Variants in LYPLAL1 observed in about 807,000 individuals in gnomAD.
The protein encoded by LYPLAL1 is lysophospholipase-like protein 1.
Under a neutral mutation model 19.7 loss-of-function variants are expected in LYPLAL1, and 23 were observed. The observed-to-expected ratio is 1.17, with a 90% CI of 0.84 to 1.65. The LOEUF (loss-of-function observed/expected upper bound fraction) is 1.65. LYPLAL1 is among the 40% of genes most tolerant of loss of function. The pLI is 0.00. For synonymous variants in LYPLAL1, 119 were observed against 96.3 expected (o/e 1.24, Z -1.38); for missense variants, 355 against 279.4 (o/e 1.27, Z -1.93).
chr1:219,290,914 G>C, the LYPLAL1 span, among the ~76,000 whole-genome samples: 14 of 152,266 alleles, frequency 9.2e-5, no homozygotes, highest in Admixed American at 7.8e-4. Flanking sequence ...CCTGGTGTAG[G>C]AGGTAAGCAC....
chr1:219,240,699 A>G, the LYPLAL1 span, among the ~76,000 whole-genome samples: 37,603 of 152,082 alleles, frequency 0.25, 4,793 homozygotes, highest in Non-Finnish European at 0.29. Flanking sequence ...ATTGTTTTCA[A>G]GTAGTTCAAG....
chr1:219,277,618 T>C, the LYPLAL1 span, among the ~76,000 whole-genome samples: 1 of 152,144 alleles, frequency 6.6e-6, no homozygotes, highest in Non-Finnish European at 1.5e-5. Flanking sequence ...ACAACAAGAA[T>C]CTGATGGCCT....
At chr1:219,186,409 A>G (rs1298067059) in intron 2 of LYPLAL1, among the ~76,000 whole-genome samples, 2 of 151,794 alleles carry the variant, frequency 1.3e-5, no homozygotes, top group East Asian at 1.9e-4. Context: ...TTGCCAAGGG[A>G]TGGGTATTAA....
At chr1:219,175,762 G>T (rs755582318) in intron 1 of LYPLAL1, among the ~76,000 whole-genome samples, 1 of 152,112 alleles carries the variant, frequency 6.6e-6, no homozygotes, top group African/African-American at 2.4e-5. Context: ...TTGGGAGTAG[G>T]TCTTTATCAT....
At chr1:219,228,208 G>A in the LYPLAL1 span, among the ~76,000 whole-genome samples, 2 of 152,186 alleles carry the variant, frequency 1.3e-5, no homozygotes, top group Non-Finnish European at 2.9e-5. Context: ...TTGGCCAGAT[G>A]TGGGTCACAT....
At chr1:219,373,863 C>CAAAA in the LYPLAL1 span, among the ~76,000 whole-genome samples, 27 of 102,218 alleles carry the variant, frequency 2.6e-4, no homozygotes, top group Non-Finnish European at 4.0e-4. Context: ...ATAAAATTGT[C>CAAAA]AAAAAAAAAA....
At chr1:219,414,629 C>T in the LYPLAL1 span, among the ~76,000 whole-genome samples, 4 of 152,158 alleles carry the variant, frequency 2.6e-5, no homozygotes, top group African/African-American at 4.8e-5. Flanking sequence ...TATGACTCCT[C>T]CTCGCTTTTA....
intron 3 of LYPLAL1, among the ~76,000 whole-genome samples, chr1:219,203,639 C>T (rs1658301129): frequency 6.6e-6 from 1 of 152,116 alleles, no homozygotes; most frequent in Non-Finnish European, 1.5e-5. Context: ...AGGACAGAAA[C>T]ATGTTCATGA....
chr1:219,339,084 C>A, the LYPLAL1 span, among the ~76,000 whole-genome samples: 1 of 151,852 alleles, frequency 6.6e-6, no homozygotes, highest in African/African-American at 2.4e-5. Flanking sequence ...CTGGCCCTGG[C>A]ACTAACAAGA....
chr1:219,205,024 A>G (rs569004174), intron 3 of LYPLAL1, among the ~76,000 whole-genome samples: 2 of 152,286 alleles, frequency 1.3e-5, no homozygotes, highest in African/African-American at 2.4e-5. Flanking sequence ...ATCCATCATG[A>G]CAGGAATGGT....
chr1:219,263,170 G>A, the LYPLAL1 span, among the ~76,000 whole-genome samples: 5 of 152,118 alleles, frequency 3.3e-5, no homozygotes, highest in Admixed American at 2.0e-4. Flanking sequence ...GGCTTGCTAC[G>A]TCCACTGTGG....
chr1:219,263,583 A>C, the LYPLAL1 span, among the ~76,000 whole-genome samples: 1 of 152,072 alleles, frequency 6.6e-6, no homozygotes, highest in Non-Finnish European at 1.5e-5. Context: ...GTTCAGTGGG[A>C]AGCTTCTTTC....
chr1:219,433,950 C>T, the LYPLAL1 span, among the ~76,000 whole-genome samples: 1 of 152,108 alleles, frequency 6.6e-6, no homozygotes, highest in East Asian at 1.9e-4. Context: ...CACACCTGGG[C>T]TCCTGAAATC....
chr1:219,371,628 G>T, the LYPLAL1 span, among the ~76,000 whole-genome samples: 1 of 152,084 alleles, frequency 6.6e-6, no homozygotes, highest in Non-Finnish European at 1.5e-5. Flanking sequence ...ACTTACTCTT[G>T]TGCCAATCAC....
chr1:219,211,916 A>C lies in LYPLAL1; in HGVS notation c.*188A>C. On this transcript the variant is annotated 3_prime_UTR_variant, in exon 5 of 5. Transcript: ENST00000366928. ...AAAAACAATAGACAAACATCTGTGCATAATTTTTCAGACACAATTCTGTAA... is the reference window on the plus strand; with the variant it reads ...AAAAACAATAGACAAACATCTGTGCCTAATTTTTCAGACACAATTCTGTAA... 2 of 415,288 alleles carry C rather than the reference A, an allele frequency of 4.8e-6. No individual in the cohort carries two copies. Among genetic ancestry groups the C allele is most frequent in the South Asian group, 1.3e-4 (2 of 15,290 alleles). The allele number at this position is 415,288 out of a possible 1,614,324, so 25.7% of individuals were successfully genotyped here.
chr1:219,241,134 C>CTCTCTCTCTCTCTCTATATA, the LYPLAL1 span, among the ~76,000 whole-genome samples: 28 of 44,360 alleles, frequency 6.3e-4, no homozygotes, highest in East Asian at 1.6e-3. Context: ...CTCTCTCTCT[C>CTCTCTCTCTCTCTCTATATA]TATATATATA....
At chr1:219,313,681 C>T in the LYPLAL1 span, among the ~76,000 whole-genome samples, 1 of 151,900 alleles carries the variant, frequency 6.6e-6, no homozygotes, top group Non-Finnish European at 1.5e-5. Flanking sequence ...ATTACAGATG[C>T]CCACCACCAC....
the LYPLAL1 span, among the ~76,000 whole-genome samples, chr1:219,279,697 AT>A: frequency 1.3e-5 from 2 of 152,142 alleles, no homozygotes; most frequent in African/African-American, 4.8e-5. Flanking sequence ...GACAAGTTGA[AT>A]TTTTTATAGG....
chr1:219,224,119 G>A, the LYPLAL1 span, among the ~76,000 whole-genome samples: 3 of 152,220 alleles, frequency 2.0e-5, no homozygotes, highest in South Asian at 6.2e-4. Flanking sequence ...TATTGAGTGG[G>A]GGTGTCCATG....
Sources: gnomAD v4.1 joint callset for allele counts (sites outside exome capture counted in the v4.1 genomes callset) on GRCh38, gnomAD v4.1.1 for gene constraint, MANE v1.5 for transcripts, NCBI Gene and HGNC (gene_info 2026-07-23, HGNC 2026-07-21) for gene names.